Variants in DCDC1 observed in about 807,000 individuals in gnomAD.
DCDC1 encodes doublecortin domain-containing protein 1.
A neutral mutation model predicts 178.3 loss-of-function variants in DCDC1; 200 were observed. The ratio of observed to expected loss-of-function variants is 1.12; its 90% CI spans 1.00 to 1.26. DCDC1 has a LOEUF of 1.26. DCDC1 is among the 50% of genes most tolerant of loss of function. DCDC1 has a pLI of 0.00. For missense variants in DCDC1, 1,983 were observed against 1,749.2 expected (o/e 1.13, Z -2.38); for synonymous variants, 690 against 604.8 (o/e 1.14, Z -2.07).
At chr11:31,029,002 A>T (rs190361232) in intron 20 of DCDC1, among the ~76,000 whole-genome samples, 97 of 152,240 alleles carry the variant, frequency 6.4e-4, no homozygotes, top group African/African-American at 2.3e-3. Flanking sequence ...AGAGTAAAAC[A>T]GATGCTAAGA....
At chr11:31,055,062 G>A (rs1338861268) in intron 20 of DCDC1, among the ~76,000 whole-genome samples, 12 of 152,120 alleles carry the variant, frequency 7.9e-5, no homozygotes, top group Non-Finnish European at 1.6e-4. Context: ...CCCACAGAGT[G>A]AGAGAAAATC....
chr11:31,073,246 T>G lies in DCDC1; in HGVS notation c.2298+4619A>C, dbSNP rs564183296. Among the ~76,000 whole-genome samples the G allele has an allele frequency of 1.8e-4, 28 of 152,270 alleles. 1 individual carries two copies. The South Asian group carries it at 5.6e-3, about 30-fold the overall frequency. On this transcript the variant is annotated intron_variant, in intron 18 of 38. Transcript: ENST00000684477. ...GAAACAAAACCTTGAAAATAATTTG[T>G]GTTTGAAGCATAAAAGTATGCATCA...
chr11:31,082,145 G>A (rs980918163), intron 17 of DCDC1, among the ~76,000 whole-genome samples: 6 of 152,132 alleles, frequency 3.9e-5, no homozygotes, highest in African/African-American at 1.4e-4. Context: ...AGGGAAAATG[G>A]AGGAGCTATA....
chr11:31,000,617 CAA>C (rs1951516845), intron 20 of DCDC1, among the ~76,000 whole-genome samples: 2 of 152,020 alleles, frequency 1.3e-5, no homozygotes, highest in South Asian at 2.1e-4. Context: ...TCACTCTTCC[CAA>C]GAGAGAGGGT....
At chr11:30,880,137 A>G (rs977353661) in intron 37 of DCDC1, among the ~76,000 whole-genome samples, 7 of 152,170 alleles carry the variant, frequency 4.6e-5, no homozygotes, top group African/African-American at 1.7e-4. Flanking sequence ...TGATAATAAG[A>G]ACCTCATCAT....
chr11:31,333,190 A>C (rs1017002895), intron 2 of DCDC1, among the ~76,000 whole-genome samples: 4 of 152,196 alleles, frequency 2.6e-5, no homozygotes, highest in African/African-American at 7.2e-5. Context: ...TTTATCAGAG[A>C]CTAGGTTTGC....
At chr11:31,162,183 T>G (rs1477346366) in intron 9 of DCDC1, among the ~76,000 whole-genome samples, 3 of 152,192 alleles carry the variant, frequency 2.0e-5, no homozygotes, top group Non-Finnish European at 2.9e-5. Flanking sequence ...TGAATTATGT[T>G]ATTTCAAATA....
rs1450375790 is a variant in DCDC1 at position 31,225,190 on chromosome 11, A to G, written c.1221+16260T>C. On this transcript the variant is annotated intron_variant, in intron 9 of 38. Coordinates refer to ENST00000684477, the MANE Select transcript of DCDC1 (RefSeq NM_001387274.1). ...GAATACTACTCAGCCATAAAATGGA[A>G]TGAAATAATGGCCTTTGCAGCAACT... 3.9e-5 allele frequency among the ~76,000 whole-genome samples: 6 copies of G among 152,176 alleles called. No homozygotes were observed. The East Asian group carries it at 9.6e-4, about 24-fold the overall frequency.
At position 30,915,601 on chromosome 11, in the gene DCDC1, C is replaced by A; in HGVS notation, c.3563G>T (p.Gly1188Val). ...CTCCATGCCTGATCGGAGATTGGGA[C>A]CTTGAACCCCCAAGACTAGCTGAGG... ...AAPQLVLGVQGPNLRSGMEVV... is the reference protein window; with the variant it reads ...AAPQLVLGVQVPNLRSGMEVV... Residue 1188 changes from glycine to valine, a missense_variant, in exon 27 of 39, where the codon GGT becomes GTT. Transcript: ENST00000684477. 1 of 1,613,956 alleles carries A rather than the reference C, an allele frequency of 6.2e-7. No individual in the cohort carries two copies. The highest frequency in any genetic ancestry group is 8.5e-7 in the Non-Finnish European group (1 of 1,179,864).
chr11:31,212,083 A>C (rs74911000), intron 9 of DCDC1, among the ~76,000 whole-genome samples: 1 of 81,170 alleles, frequency 1.2e-5, no homozygotes, highest in Non-Finnish European at 2.7e-5. Flanking sequence ...ACTCAGTCTC[A>C]AAAAAAAAAA....
rs368020525 is a variant in DCDC1 at position 31,328,126 on chromosome 11, T to C, written c.155A>G (p.Asp52Gly). 3 of 1,600,516 alleles carry C rather than the reference T, an allele frequency of 1.9e-6. No individual in the cohort carries two copies. The highest frequency in any genetic ancestry group is 2.6e-6 in the Non-Finnish European group (3 of 1,171,054). Residue 52 changes from aspartate to glycine, a missense_variant, in exon 3 of 39, where the codon GAT (aspartate) becomes GGT (glycine). Asp to Gly is a moderately conservative substitution (Grantham distance 94). Coordinates refer to ENST00000684477, the MANE Select transcript of DCDC1 (RefSeq NM_001387274.1). ...GAAATAATGTTCTTACCTTGGTAAA[T>C]CATTCAAAATATATTTGTAAATTGG... ...VNPIYKYILN[D>G]LPREFMSSQA...
rs116745075 is a variant in DCDC1 at position 30,887,120 on chromosome 11, G to A, written c.5082+5698C>T. ...AATATGAAAATAAAGCATTTTCTCTGTTGTAACTAATGAAATGCTGTCCCT... is the reference window on the plus strand; with the variant it reads ...AATATGAAAATAAAGCATTTTCTCTATTGTAACTAATGAAATGCTGTCCCT... On this transcript the variant is annotated intron_variant, in intron 36 of 38. Coordinates refer to ENST00000684477, the MANE Select transcript of DCDC1 (RefSeq NM_001387274.1). Among the ~76,000 whole-genome samples, 386 of 152,246 alleles carry A rather than the reference G, an allele frequency of 2.5e-3. 4 individuals are homozygous for A. The highest frequency in any genetic ancestry group is 9.1e-3 in the African/African-American group (376 of 41,536).
intron 20 of DCDC1, among the ~76,000 whole-genome samples, chr11:31,026,198 A>T (rs546430585): frequency 6.6e-6 from 1 of 151,928 alleles, no homozygotes; most frequent in South Asian, 2.1e-4. Context: ...AGAGAGAGAT[A>T]AAAAATGAAA....
chr11:30,888,102 G>GAAAAAGAAAGAAAGAAAGAAAGAAAGAA (rs1565029751), intron 36 of DCDC1, among the ~76,000 whole-genome samples: 1 of 47,688 alleles, frequency 2.1e-5, no homozygotes, highest in Non-Finnish European at 4.0e-5. Context: ...GAAAGAAAAA[G>GAAAAAGAAAGAAAGAAAGAAAGAAAGAA]AAAGAAAGAA....
chr11:30,879,129 A>T (rs1416211958), intron 37 of DCDC1, among the ~76,000 whole-genome samples: 2 of 152,132 alleles, frequency 1.3e-5, no homozygotes, highest in Non-Finnish European at 2.9e-5. Context: ...AATCCAATTG[A>T]TTTTTTAAAA....
chr11:30,942,340 T>C (rs158630), intron 21 of DCDC1, among the ~76,000 whole-genome samples: 15,380 of 152,176 alleles, frequency 0.1, 962 homozygotes, highest in Admixed American at 0.19. Flanking sequence ...AACAATTTAG[T>C]TGATGGAGAA....
At position 30,878,638 on chromosome 11, in the gene DCDC1, G is replaced by A. The variant is rs1394061044; in HGVS notation, c.5307C>T (p.Asp1769=). The A allele has an allele frequency of 1.2e-6, 2 of 1,611,518 alleles. No individual in the cohort carries two copies. The highest frequency in any genetic ancestry group is 3.3e-5 in the Admixed American group (2 of 59,748). ...IRRQQGPQAT[D]IVVSPSTKLL... is the part of the protein sequence containing the mutation. ...GCTTCGTGGATGGTGACACCACAAT[G>A]TCTGTGGCTTGAGGGCCCTGCTGCC... Residue 1769 remains aspartate, a synonymous_variant, in exon 38 of 39, where the codon GAC becomes GAT. Coordinates refer to ENST00000684477, the MANE Select transcript of DCDC1 (RefSeq NM_001387274.1).
Position 30,922,726 on chromosome 11 carries a change from C to T in DCDC1, c.2998-88G>A. On this transcript the variant is annotated intron_variant, in intron 23 of 38. Transcript: ENST00000684477. ...CTAAACTGGAAACAATTAAAAAAAT[C>T]AAAATGTCCTATTAATATAATAGGT... 3 of 1,277,930 alleles carry T rather than the reference C, an allele frequency of 2.3e-6. No homozygotes were observed. The East Asian group carries it at 9.3e-5, about 40-fold the overall frequency. 79.2% of individuals were successfully genotyped at this position (1,277,930 alleles called of 1,614,324 possible).
intron 18 of DCDC1, among the ~76,000 whole-genome samples, chr11:31,065,897 C>T (rs953006115): frequency 1.3e-5 from 2 of 152,094 alleles, no homozygotes; most frequent in South Asian, 2.1e-4. Context: ...ACAGCCCTCA[C>T]GGAACAAGTG....
Sources: allele counts gnomAD v4.1 joint callset (sites outside exome capture counted in the v4.1 genomes callset), GRCh38; gene constraint gnomAD v4.1.1; transcripts MANE v1.5; gene names NCBI Gene and HGNC (gene_info 2026-07-23, HGNC 2026-07-21).